EVC: variants seen among roughly 807,000 people sequenced by gnomAD.
The protein encoded by EVC is EvC ciliary complex subunit 1.
In EVC, 116 loss-of-function variants were observed where a neutral mutation model predicts 118.9. The observed-to-expected ratio is 0.98, with a 90% confidence interval of 0.84 to 1.14. The LOEUF is 1.14. Ranked by LOEUF, EVC falls within the 50% of genes most tolerant of loss-of-function variation. The pLI, the probability that EVC is intolerant of heterozygous loss-of-function variation, is 0.00. For synonymous variants in EVC, 619 were observed against 534.7 expected (o/e 1.16, Z -2.18); for missense variants, 1,401 against 1,246.4 (o/e 1.12, Z -1.87).
chr4:5,793,482 A>G (rs1713171674), intron 12 of EVC, 126 bp from the exon 13 acceptor site: 1 of 817,570 alleles, frequency 1.2e-6, no homozygotes, highest in East Asian at 2.7e-5. Flanking sequence ...TGTTAATGAA[A>G]TCGGGGCAGA....
intron 7 of EVC, among the ~76,000 whole-genome samples, chr4:5,747,192 A>G (rs1203366749): frequency 6.9e-6 from 1 of 144,134 alleles, no homozygotes; most frequent in Non-Finnish European, 1.5e-5. Context: ...TGGCAGAGCC[A>G]GACCGACACC....
At chr4:5,716,573 C>A (rs977511952) in intron 1 of EVC, among the ~76,000 whole-genome samples, 3 of 152,112 alleles carry the variant, frequency 2.0e-5, no homozygotes, top group Admixed American at 2.0e-4. Context: ...AGAGTGGATC[C>A]ATTGGATGGG....
intron 11 of EVC, among the ~76,000 whole-genome samples, chr4:5,778,914 A>T (rs60662139): frequency 6.6e-6 from 1 of 151,170 alleles, no homozygotes; most frequent in African/African-American, 2.4e-5. Context: ...AAGTCCTTGC[A>T]CATGCCTATG....
chr4:5,753,897 G>A lies in EVC; in HGVS notation c.1428G>A (p.Glu476=), dbSNP rs571637567. The A allele has an allele frequency of 6.2e-7, 1 of 1,613,710 alleles. No individual in the cohort carries two copies. The highest frequency in any genetic ancestry group is 8.5e-7 in the Non-Finnish European group (1 of 1,180,052). The change falls in exon 10 of 21, where the codon GAG becomes GAA. Residue 476 remains glutamate, a synonymous_variant. Transcript: ENST00000264956. ...QEEEQRSFLA[E]AQPTADPEKF... ...AGGAACAGAGAAGCTTCCTGGCTGA[G>A]GCCCAGCCGACTGCTGACCCGGAAA...
chr4:5,769,266 C>T (rs1259904986), intron 11 of EVC, among the ~76,000 whole-genome samples: 2 of 152,044 alleles, frequency 1.3e-5, no homozygotes, highest in African/African-American at 4.8e-5. Context: ...TTTATAAAAC[C>T]ATCAGATCTC....
At chr4:5,721,345 G>A (rs1027730177) in intron 2 of EVC, among the ~76,000 whole-genome samples, 9 of 152,282 alleles carry the variant, frequency 5.9e-5, no homozygotes, top group Admixed American at 5.2e-4. Context: ...ATGAAGGGCC[G>A]ATGGGTGCTA....
At chr4:5,720,952 G>T (rs1257551565) in intron 2 of EVC, among the ~76,000 whole-genome samples, 1 of 152,094 alleles carries the variant, frequency 6.6e-6, no homozygotes, top group African/African-American at 2.4e-5. Context: ...ATTTGAATGT[G>T]CCCTGTGCTG....
chr4:5,788,448 T>A (rs887558678), intron 12 of EVC, among the ~76,000 whole-genome samples: 36 of 152,272 alleles, frequency 2.4e-4, no homozygotes, highest in African/African-American at 8.7e-4. Flanking sequence ...CAGCTCAGGA[T>A]CATTCCTGAA....
Position 5,755,034 on chromosome 4 carries a change from CAG to C in EVC, c.1464+1104_1464+1105del, listed in dbSNP as rs1339841426. 1.3e-5 allele frequency among the ~76,000 whole-genome samples: 2 copies of C among 152,052 alleles called. No homozygotes were observed. Among genetic ancestry groups the C allele is most frequent in the Non-Finnish European group, 2.9e-5 (2 of 67,992 alleles). Reference sequence around the variant, plus strand: ...AGCCAATGGAGGGGTCCCCCGAGAACAGAGGACAGGCCTCTAGGTCCCTGGTC... The same window carrying C: ...AGCCAATGGAGGGGTCCCCCGAGAACAGGACAGGCCTCTAGGTCCCTGGTC... On this transcript the variant is annotated intron_variant, in intron 10 of 20. Transcript: ENST00000264956. The surrounding 1 kb of genome is among the most constrained non-coding windows in gnomAD (Gnocchi z 4.1).
chr4:5,740,847 C>T (rs985553752), intron 5 of EVC, among the ~76,000 whole-genome samples: 7 of 152,168 alleles, frequency 4.6e-5, no homozygotes, highest in Admixed American at 4.6e-4. Flanking sequence ...TGTTCAATGT[C>T]ATTAAGCCAG....
At chr4:5,816,159 C>T (rs1717643284), downstream of EVC, among the ~76,000 whole-genome samples, 1 of 152,122 alleles carries the variant, frequency 6.6e-6, no homozygotes, top group Non-Finnish European at 1.5e-5. Flanking sequence ...CACTGGGCTC[C>T]CGCTGATGGA....
chr4:5,827,456 A>C, the EVC span, among the ~76,000 whole-genome samples: 1 of 152,208 alleles, frequency 6.6e-6, no homozygotes, highest in Non-Finnish European at 1.5e-5. Flanking sequence ...GACCAAAACC[A>C]GATGCAGAGC....
chr4:5,790,064 C>G (rs973431333), intron 12 of EVC, among the ~76,000 whole-genome samples: 3 of 151,294 alleles, frequency 2.0e-5, no homozygotes, highest in Non-Finnish European at 1.5e-5. Flanking sequence ...ACCAGTAATC[C>G]CAGCTACTTG....
At position 5,793,593 on chromosome 4, in the gene EVC, C is replaced by G. The variant is rs1482690795; in HGVS notation, c.1777-15C>G. The G allele has an allele frequency of 1.3e-6, 2 of 1,548,812 alleles. No individual in the cohort carries two copies. Among genetic ancestry groups the G allele is most frequent in the East Asian group, 2.4e-5 (1 of 40,914 alleles). On this transcript the variant is annotated splice_polypyrimidine_tract_variant and intron_variant, in intron 12 of 20. Transcript: ENST00000264956. ...GTAACCACATGCCTGCTCTGTCCCTCTGTCCCGAGTTCAGGTGTGGATGGA... is the reference window on the plus strand; with the variant it reads ...GTAACCACATGCCTGCTCTGTCCCTGTGTCCCGAGTTCAGGTGTGGATGGA...
chr4:5,794,653 T>C (rs9760565), intron 13 of EVC, among the ~76,000 whole-genome samples: 104,027 of 151,680 alleles, frequency 0.69, 35,983 homozygotes, highest in South Asian at 0.81. Context: ...TCAAATGATC[T>C]ACCCACCTCA....
At chr4:5,795,753 A>T (rs1713828199) in intron 13 of EVC, among the ~76,000 whole-genome samples, 1 of 152,210 alleles carries the variant, frequency 6.6e-6, no homozygotes, top group Non-Finnish European at 1.5e-5. Flanking sequence ...CGATTGGGGA[A>T]TTTGTCTCGC....
At chr4:5,745,400 G>T (rs533849635) in intron 7 of EVC, 59 bp downstream of exon 7, 1 of 1,579,506 alleles carries the variant, frequency 6.3e-7, no homozygotes, top group Admixed American at 1.7e-5. Flanking sequence ...AGTTAAATTG[G>T]CTACATTAGA....
chr4:5,711,408 A>G lies in EVC; in HGVS notation c.28A>G (p.Ser10Gly). The G allele has an allele frequency of 9.8e-7, 1 of 1,021,228 alleles. No individual in the cohort carries two copies. Among genetic ancestry groups the G allele is most frequent in the Non-Finnish European group, 1.2e-6 (1 of 856,606 alleles). 63.3% of individuals were successfully genotyped at this position (1,021,228 alleles called of 1,614,324 possible). A position where few individuals can be genotyped will look rare whatever the true frequency, so the allele number is the denominator to read the frequency against. The change falls in exon 1 of 21, where the codon AGC (serine) becomes GGC (glycine). Residue 10 changes from serine to glycine, a missense_variant. Transcript: ENST00000264956. MARGGAACKSDARLLLGRDA... is the reference protein window; with the variant it reads MARGGAACKGDARLLLGRDA... ...GGCCCGCGGCGGGGCGGCCTGCAAG[A>G]GCGACGCGCGGCTGCTGCTGGGGCG...
the EVC span, chr4:5,821,629 A>G: frequency 2.4e-6 from 2 of 837,998 alleles, no homozygotes; most frequent in Non-Finnish European, 3.7e-6. The surrounding 1 kb of genome is among the most constrained non-coding windows in gnomAD (Gnocchi z 4.4). Flanking sequence ...AGAAAAGGGA[A>G]AGAGCATCCT....
Sources: allele counts gnomAD v4.1 joint callset (sites outside exome capture counted in the v4.1 genomes callset), GRCh38; gene constraint gnomAD v4.1.1; non-coding constraint Gnocchi (gnomAD v3.1); transcripts MANE v1.5; gene names NCBI Gene and HGNC (gene_info 2026-07-23, HGNC 2026-07-21).